TFEB: variants seen among roughly 807,000 people sequenced by gnomAD.
The protein encoded by TFEB is transcription factor EB, also known as T-cell transcription factor EB.
A neutral mutation model predicts 48.0 loss-of-function variants in TFEB; 12 were observed. The ratio of observed to expected loss-of-function variants is 0.25; its 90% confidence interval spans 0.16 to 0.40. The LOEUF (loss-of-function observed/expected upper bound fraction) is 0.40, where lower values mean the gene tolerates loss of function less well. TFEB is among the 10% of genes least tolerant of loss of function. The probability of loss-of-function intolerance (pLI) is 1.00; values close to 1 mark genes in which losing one functional copy is unlikely to be tolerated. For synonymous variants in TFEB, 244 were observed against 261.4 expected (o/e 0.93, Z 0.64); for missense variants, 509 against 640.3 (o/e 0.79, Z 2.21).
Position 41,691,231 on chromosome 6 carries a change from G to T in TFEB, c.-18C>A, listed in dbSNP as rs1414837158. ...GACGCCATGGTGGCTGCCGGCGCTG[G>T]CTCCCTGTGGATGAGAAGGGGCAGC... On this transcript the variant is annotated 5_prime_UTR_variant, in exon 2 of 9. Transcript: ENST00000373033. This position sits in a 1 kb window ranked among gnomAD's most constrained non-coding sequence, Gnocchi z 5.2. 1 of 1,566,452 alleles carries T rather than the reference G, an allele frequency of 6.4e-7. No homozygotes were observed.
At chr6:41,710,754 C>T (rs142569913) in intron 1 of TFEB, among the ~76,000 whole-genome samples, 4 of 152,156 alleles carry the variant, frequency 2.6e-5, no homozygotes, top group South Asian at 2.1e-4. Context: ...TGCTCTCTCA[C>T]GCCAACCCAA....
intron 1 of TFEB, among the ~76,000 whole-genome samples, chr6:41,712,593 C>T (rs1581916552): frequency 1.3e-5 from 2 of 152,212 alleles, no homozygotes; most frequent in Admixed American, 1.3e-4. Context: ...GACTCATACC[C>T]TTAATCACTA....
At chr6:41,733,726 T>C (rs1771547925) in intron 1 of TFEB, 1 of 985,360 alleles carries the variant, frequency 1.0e-6, no homozygotes, top group African/African-American at 1.7e-5. Flanking sequence ...CCTCTGCCTC[T>C]CCTGGCCGGC....
At position 41,691,305 on chromosome 6, in the gene TFEB, G is replaced by T; in HGVS notation, c.-22-70C>A. ...CTCAAAGCACAGGGGCTGGCAGGGG[G>T]AGGCCAGAATGACTGGGACCGCATC... is the stretch of plus-strand genomic sequence containing the variant. On this transcript the variant is annotated intron_variant, in intron 1 of 8. Coordinates refer to ENST00000373033, the MANE Select transcript of TFEB (RefSeq NM_001271944.2). The surrounding 1 kb of genome is among the most constrained non-coding windows in gnomAD (Gnocchi z 5.2). The T allele has an allele frequency of 6.8e-7, 1 of 1,470,124 alleles. No individual in the cohort carries two copies. The highest frequency in any genetic ancestry group is 9.3e-7 in the Non-Finnish European group (1 of 1,073,462). The allele number at this position is 1,470,124 out of a possible 1,614,324, so 91.1% of individuals were successfully genotyped here. A position where few individuals can be genotyped will look rare whatever the true frequency, so the allele number is the denominator to read the frequency against.
intron 1 of TFEB, among the ~76,000 whole-genome samples, chr6:41,700,108 C>T (rs1031192060): frequency 6.6e-6 from 1 of 151,644 alleles, no homozygotes; most frequent in African/African-American, 2.4e-5. Flanking sequence ...GAAATGGAAC[C>T]GCTCTGCCAA....
chr6:41,684,503 TCA>T lies in TFEB; in HGVS notation c.*94_*95del. On this transcript the variant is annotated 3_prime_UTR_variant, in exon 9 of 9. Coordinates refer to ENST00000373033, the MANE Select transcript of TFEB (RefSeq NM_001271944.2). ...GAGGGAGGCAGGGCAGGTGGCTACT[TCA>T]CACACAGTGCAGCCTGAAGGGTGGG... 7.8e-6 allele frequency: 11 copies of T among 1,419,040 alleles called. No homozygotes were observed. The highest frequency in any genetic ancestry group is 1.0e-5 in the Non-Finnish European group (11 of 1,081,212). 87.9% of individuals were successfully genotyped at this position (1,419,040 alleles called of 1,614,324 possible).
At chr6:41,689,878 G>T in intron 3 of TFEB, 67 bp from the exon 4 acceptor site, 1 of 1,275,202 alleles carries the variant, frequency 7.8e-7, no homozygotes, top group Non-Finnish European at 1.1e-6. Context: ...GAGGCATTGG[G>T]ACAACCACTG....
intron 1 of TFEB, among the ~76,000 whole-genome samples, chr6:41,694,313 A>C (rs1197028951): frequency 2.0e-5 from 3 of 152,252 alleles, no homozygotes; most frequent in African/African-American, 7.2e-5. Flanking sequence ...AGGACGTTGG[A>C]GAAGTGGACA....
intron 1 of TFEB, among the ~76,000 whole-genome samples, chr6:41,698,225 A>G (rs956858538): frequency 2.6e-5 from 4 of 152,208 alleles, no homozygotes; most frequent in African/African-American, 9.6e-5. Context: ...GCTGAAGGTC[A>G]CAGAGCTAAT....
At chr6:41,728,549 T>G (rs1016658492) in intron 1 of TFEB, among the ~76,000 whole-genome samples, 3 of 152,138 alleles carry the variant, frequency 2.0e-5, no homozygotes, top group Non-Finnish European at 4.4e-5. Context: ...CCTCAGGGAC[T>G]GTGGGGGGCC....
rs561661485 is a variant in TFEB, at chr6:41,707,772, C to T, written c.-22-16537G>A. Among the ~76,000 whole-genome samples the T allele has an allele frequency of 2.6e-5, 4 of 152,328 alleles. No individual in the cohort carries two copies. The East Asian group carries it at 7.7e-4, about 29-fold the overall frequency. On this transcript the variant is annotated intron_variant, in intron 1 of 8. Coordinates refer to ENST00000373033, the MANE Select transcript of TFEB (RefSeq NM_001271944.2). The stretch of plus-strand genomic sequence containing the variant: ...GCCACCGCACGAAATTACTCCCCCA[C>T]CAAAATGTCCCTGAATTGTATCCTG...
chr6:41,703,434 T>C (rs1770042366), intron 1 of TFEB, among the ~76,000 whole-genome samples: 1 of 152,072 alleles, frequency 6.6e-6, no homozygotes, highest in East Asian at 1.9e-4. Context: ...AGTGCCTGGC[T>C]CCTGCCCCTG....
chr6:41,709,598 G>C (rs1056959612), intron 1 of TFEB, among the ~76,000 whole-genome samples: 1 of 151,486 alleles, frequency 6.6e-6, no homozygotes, highest in African/African-American at 2.4e-5. Flanking sequence ...AAATGGACGG[G>C]TGGACAGATG....
At chr6:41,711,778 T>C (rs999421921) in intron 1 of TFEB, among the ~76,000 whole-genome samples, 27 of 152,164 alleles carry the variant, frequency 1.8e-4, no homozygotes, top group Non-Finnish European at 3.1e-4. Context: ...AAAAGGGTCA[T>C]GTCTGGGCAC....
At chr6:41,713,527 T>C (rs1561866224) in intron 1 of TFEB, among the ~76,000 whole-genome samples, 2 of 152,134 alleles carry the variant, frequency 1.3e-5, no homozygotes, top group Admixed American at 1.3e-4. Context: ...CCTACTCCTC[T>C]AATTGTCTCT....
intron 4 of TFEB, 35 bp from the exon 5 acceptor site, chr6:41,688,063 T>A (rs754825602): frequency 1.3e-6 from 2 of 1,587,710 alleles, no homozygotes; most frequent in African/African-American, 1.3e-5. Context: ...CCCATGAGTA[T>A]CCCCCTCTCC....
At position 41,734,111 on chromosome 6, in the gene TFEB, CA is replaced by C; in HGVS notation, c.-23+1238del. On this transcript the variant is annotated intron_variant, in intron 1 of 8. Transcript: ENST00000373033. The surrounding 1 kb of genome is among the most constrained non-coding windows in gnomAD (Gnocchi z 4.0). ...TGCACTTCCCCAGCGAGCTCTAAGCCAAAAACTGCGCTCAAGTTGAGTGCAG... is the reference window on the plus strand; with the variant it reads ...TGCACTTCCCCAGCGAGCTCTAAGCCAAAACTGCGCTCAAGTTGAGTGCAG... The C allele has an allele frequency of 5.6e-6, 1 of 177,594 alleles. No homozygotes were observed. Among genetic ancestry groups the C allele is most frequent in the Non-Finnish European group, 1.1e-5 (1 of 91,250 alleles). 11.0% of individuals were successfully genotyped at this position (177,594 alleles called of 1,614,324 possible).
At chr6:41,711,189 G>A (rs1344116854) in intron 1 of TFEB, among the ~76,000 whole-genome samples, 1 of 152,230 alleles carries the variant, frequency 6.6e-6, no homozygotes, top group African/African-American at 2.4e-5. Context: ...ACACTAGGAA[G>A]TAGGAAATAC....
At chr6:41,709,944 G>A (rs1404653453) in intron 1 of TFEB, among the ~76,000 whole-genome samples, 1 of 152,032 alleles carries the variant, frequency 6.6e-6, no homozygotes, top group African/African-American at 2.4e-5. Flanking sequence ...GTGCCACTAT[G>A]CCCCCACTAA....
Sources: gnomAD v4.1 joint callset for allele counts (sites outside exome capture counted in the v4.1 genomes callset) on GRCh38, gnomAD v4.1.1 for gene constraint, Gnocchi (gnomAD v3.1) non-coding constraint, MANE v1.5 for transcripts, NCBI Gene and HGNC (gene_info 2026-07-23, HGNC 2026-07-21) for gene names.